The following PAPPA2 variants were observed in gnomAD, a reference collection of about 807,000 sequenced individuals.
The protein encoded by PAPPA2 is pappalysin-2.
A neutral mutation model predicts 176.4 loss-of-function variants in PAPPA2; 86 were observed. The observed-to-expected ratio is 0.49, with a 90% CI of 0.41 to 0.58. The LOEUF (loss-of-function observed/expected upper bound fraction) is 0.58, where lower values mean the gene tolerates loss of function less well. PAPPA2 is among the 20% of genes least tolerant of loss of function. The pLI, the probability that PAPPA2 is intolerant of heterozygous loss-of-function variation, is 0.00. For synonymous variants in PAPPA2, 809 were observed against 852.2 expected, an observed-to-expected ratio of 0.95 and a Z score of 0.88; for missense variants, 2,073 against 2,256.9, an observed-to-expected ratio of 0.92 and a Z score of 1.65.
intron 17 of PAPPA2, among the ~76,000 whole-genome samples, chr1:176,783,784 T>C (rs529298233): frequency 6.6e-6 from 1 of 152,310 alleles, no homozygotes; most frequent in South Asian, 2.1e-4. Flanking sequence ...GATCTCGCTC[T>C]CTGGTTTCTA....
chr1:176,595,266 G>T lies in PAPPA2; in HGVS notation c.1662G>T (p.Leu554=). 6.2e-7 allele frequency: 1 copy of T among 1,614,222 alleles called. No homozygotes were observed. The highest frequency in any genetic ancestry group is 2.2e-5 in the East Asian group (1 of 44,882). Residue 554 remains leucine, a synonymous_variant, in exon 3 of 23, where the codon CTG becomes CTT. Coordinates refer to ENST00000367662, the MANE Select transcript of PAPPA2 (RefSeq NM_020318.3). Reference sequence around the variant, plus strand: ...AGATTCGTCTGCAGCACGAGGCACTGAATGAGGCCTTCAGCCGCTACAACA... The same window carrying T: ...AGATTCGTCTGCAGCACGAGGCACTTAATGAGGCCTTCAGCCGCTACAACA... ...EEQIRLQHEA[L]NEAFSRYNIS... is the part of the protein sequence containing the mutation.
At chr1:176,825,241 C>T (rs1666812193) in intron 21 of PAPPA2, among the ~76,000 whole-genome samples, 2 of 152,136 alleles carry the variant, frequency 1.3e-5, no homozygotes. Context: ...TTACTTCACC[C>T]AGGCAGACAA....
At chr1:176,739,582 C>T (rs755291246) in intron 12 of PAPPA2, 44 bp from the exon 13 acceptor site, 16 of 1,580,286 alleles carry the variant, frequency 1.0e-5, no homozygotes, top group Non-Finnish European at 1.4e-5. Context: ...GTCTTGATAG[C>T]TCAATGGAAA....
intron 3 of PAPPA2, among the ~76,000 whole-genome samples, chr1:176,596,574 CACTT>C (rs750181107): frequency 1.2e-4 from 19 of 152,202 alleles, no homozygotes; most frequent in Non-Finnish European, 2.2e-4. Context: ...TCCTGTTTAA[CACTT>C]AGTACTTCAG....
At chr1:176,479,143 C>A (rs545807736) in intron 1 of PAPPA2, among the ~76,000 whole-genome samples, 12 of 152,028 alleles carry the variant, frequency 7.9e-5, no homozygotes, top group African/African-American at 2.7e-4. Context: ...TACTATTATC[C>A]CCATTTTGAA....
intron 2 of PAPPA2, among the ~76,000 whole-genome samples, chr1:176,569,420 A>G (rs1394793280): frequency 6.6e-6 from 1 of 152,236 alleles, no homozygotes; most frequent in Non-Finnish European, 1.5e-5. Flanking sequence ...CATCTCTTTC[A>G]GGAACTCTTC....
At chr1:176,705,378 A>G (rs982958432) in intron 9 of PAPPA2, among the ~76,000 whole-genome samples, 2 of 152,178 alleles carry the variant, frequency 1.3e-5, no homozygotes, top group Non-Finnish European at 2.9e-5. Context: ...ATTTCTAATT[A>G]TTTAATCTTT....
At chr1:176,668,035 A>G (rs1375875529) in intron 3 of PAPPA2, among the ~76,000 whole-genome samples, 1 of 152,122 alleles carries the variant, frequency 6.6e-6, no homozygotes, top group Non-Finnish European at 1.5e-5. Flanking sequence ...AACACGGTAG[A>G]CTGGAAACCT....
chr1:176,816,152 G>GTGTA (rs1428455900), intron 21 of PAPPA2, among the ~76,000 whole-genome samples: 10 of 42,276 alleles, frequency 2.4e-4, no homozygotes, highest in African/African-American at 6.4e-4. Flanking sequence ...CTTTCACAGT[G>GTGTA]TATATATATA....
rs56206580 is a variant in PAPPA2 at position 176,481,252 on chromosome 1, GCACACACACACACA to G, written c.-917+17869_-917+17882del. 3.8e-3 allele frequency among the ~76,000 whole-genome samples: 529 copies of G among 140,312 alleles called. 2 individuals are homozygous for G. The highest frequency in any genetic ancestry group is 7.0e-3 in the Middle Eastern group (2 of 286). The allele number at this position is 140,312 out of a possible 152,430, so 92.1% of individuals were successfully genotyped here. On this transcript the variant is annotated intron_variant, in intron 1 of 22. Coordinates refer to ENST00000367662, the MANE Select transcript of PAPPA2 (RefSeq NM_020318.3). ...TTGATTTAAGCGCTGAGATTTTAAA[GCACACACACACACA>G]CACACACACACACACACACACACAC...
chr1:176,466,059 T>A (rs1042669010), intron 1 of PAPPA2, among the ~76,000 whole-genome samples: 1 of 152,158 alleles, frequency 6.6e-6, no homozygotes, highest in African/African-American at 2.4e-5. Flanking sequence ...CAGAATTAGG[T>A]CTAAGTGACA....
At chr1:176,836,491 G>T (rs571530185) in intron 21 of PAPPA2, 10 of 152,222 alleles carry the variant, frequency 6.6e-5, no homozygotes, top group Non-Finnish European at 1.3e-4. Context: ...GTTGCAAGCT[G>T]TAGAAGAACA....
intron 3 of PAPPA2, among the ~76,000 whole-genome samples, chr1:176,614,408 C>A (rs1655096243): frequency 6.6e-6 from 1 of 152,078 alleles, no homozygotes; most frequent in South Asian, 2.1e-4. Context: ...TTGCTTGAAG[C>A]CTATTAAATG....
At chr1:176,654,983 G>T (rs1391672044) in intron 3 of PAPPA2, among the ~76,000 whole-genome samples, 1 of 151,714 alleles carries the variant, frequency 6.6e-6, no homozygotes, top group African/African-American at 2.4e-5. Flanking sequence ...AATCTTCAGG[G>T]TTTTCTAGAC....
chr1:176,475,233 C>T (rs1454095356), intron 1 of PAPPA2, among the ~76,000 whole-genome samples: 1 of 152,156 alleles, frequency 6.6e-6, no homozygotes, highest in Non-Finnish European at 1.5e-5. Flanking sequence ...CTGTCATTTG[C>T]TCCTGGCTGG....
At chr1:176,528,883 C>T (rs1030407446) in intron 1 of PAPPA2, among the ~76,000 whole-genome samples, 25 of 152,198 alleles carry the variant, frequency 1.6e-4, no homozygotes, top group African/African-American at 4.8e-4. Context: ...CTTATCAAGA[C>T]GCTGCCATCC....
intron 3 of PAPPA2, among the ~76,000 whole-genome samples, chr1:176,631,953 G>A (rs1656361650): frequency 6.6e-6 from 1 of 152,076 alleles, no homozygotes; most frequent in Admixed American, 6.6e-5. Flanking sequence ...AAGAGGGGGA[G>A]TGTAAGCAAA....
At chr1:176,583,484 A>C (rs772735701) in intron 2 of PAPPA2, among the ~76,000 whole-genome samples, 2 of 152,176 alleles carry the variant, frequency 1.3e-5, no homozygotes, top group Non-Finnish European at 2.9e-5. Context: ...TTAGATATTC[A>C]GGAGTATGTT....
intron 12 of PAPPA2, among the ~76,000 whole-genome samples, chr1:176,719,794 C>A (rs186838113): frequency 2.0e-5 from 3 of 152,056 alleles, no homozygotes; most frequent in African/African-American, 7.2e-5. Context: ...CGTGTTCATC[C>A]TTTTTAGCCA....
Sources: gnomAD v4.1 joint callset for allele counts (sites outside exome capture counted in the v4.1 genomes callset) on GRCh38, gnomAD v4.1.1 for gene constraint, MANE v1.5 for transcripts, NCBI Gene and HGNC (gene_info 2026-07-23, HGNC 2026-07-21) for gene names.